The following HS3ST4 variants were observed in gnomAD, a reference collection of about 807,000 sequenced individuals.
The protein encoded by HS3ST4 is heparan sulfate glucosamine 3-O-sulfotransferase 4.
Under a neutral mutation model 29.2 loss-of-function variants are expected in HS3ST4, and 17 were observed. The observed-to-expected ratio is 0.58, with a 90% confidence interval of 0.40 to 0.87. The LOEUF (loss-of-function observed/expected upper bound fraction) is 0.87, where lower values mean the gene tolerates loss of function less well. Among genes scored for constraint, HS3ST4 ranks in the 40% least tolerant of loss-of-function variants. The pLI is 0.00. For synonymous variants in HS3ST4, 314 were observed against 285.7 expected (o/e 1.10, Z -1.00); for missense variants, 627 against 634.5 (o/e 0.99, Z 0.13).
At chr16:26,072,058 C>T (rs1396458415) in intron 1 of HS3ST4, among the ~76,000 whole-genome samples, 1 of 152,132 alleles carries the variant, frequency 6.6e-6, no homozygotes, top group African/African-American at 2.4e-5. Flanking sequence ...AGGATCATTA[C>T]ACATGAAGGG....
intron 1 of HS3ST4, among the ~76,000 whole-genome samples, chr16:26,109,608 A>G (rs530260318): frequency 1.3e-5 from 2 of 152,132 alleles, no homozygotes; most frequent in South Asian, 2.1e-4. Flanking sequence ...TATGAGATCA[A>G]CACAGCCTTG....
chr16:25,782,321 A>G (rs1214526184), intron 1 of HS3ST4, among the ~76,000 whole-genome samples: 2 of 152,076 alleles, frequency 1.3e-5, no homozygotes, highest in Non-Finnish European at 2.9e-5. Flanking sequence ...TCAGCCACCA[A>G]ACGGAAGTAC....
At chr16:25,916,609 G>T (rs1345965419) in intron 1 of HS3ST4, among the ~76,000 whole-genome samples, 1 of 150,558 alleles carries the variant, frequency 6.6e-6, no homozygotes, top group Non-Finnish European at 1.5e-5. Context: ...TGATCCGCCC[G>T]CCTTGGGCTC....
intron 1 of HS3ST4, among the ~76,000 whole-genome samples, chr16:25,825,144 G>A (rs1158741543): frequency 1.3e-5 from 2 of 152,182 alleles, no homozygotes; most frequent in Non-Finnish European, 2.9e-5. Flanking sequence ...GACAACAGAA[G>A]CCGAGATTGC....
At chr16:25,897,046 A>T (rs992918156) in intron 1 of HS3ST4, among the ~76,000 whole-genome samples, 2 of 152,164 alleles carry the variant, frequency 1.3e-5, no homozygotes, top group African/African-American at 4.8e-5. Context: ...CCTACTGGGT[A>T]CTGTGTTCAC....
intron 1 of HS3ST4, among the ~76,000 whole-genome samples, chr16:25,993,439 G>A (rs1431005388): frequency 2.6e-5 from 4 of 152,106 alleles, no homozygotes; most frequent in Non-Finnish European, 4.4e-5. Flanking sequence ...GACTTTGGAG[G>A]TGCGGAAGTG....
chr16:25,915,356 C>T (rs536931597), intron 1 of HS3ST4, among the ~76,000 whole-genome samples: 3 of 152,292 alleles, frequency 2.0e-5, no homozygotes, highest in Admixed American at 2.0e-4. Context: ...CACAAACATA[C>T]CTGCTCATAA....
intron 1 of HS3ST4, among the ~76,000 whole-genome samples, chr16:26,041,368 AAT>A: frequency 6.6e-6 from 1 of 151,976 alleles, no homozygotes; most frequent in Non-Finnish European, 1.5e-5. Context: ...TAATAATAAT[AAT>A]AAAATTTTCA....
intron 1 of HS3ST4, among the ~76,000 whole-genome samples, chr16:25,840,414 T>G (rs1967400975): frequency 6.6e-6 from 1 of 152,232 alleles, no homozygotes; most frequent in East Asian, 1.9e-4. Context: ...TCTTGACTGT[T>G]CCACCAAAGG....
chr16:25,694,745 T>A (rs1966281144), intron 1 of HS3ST4, among the ~76,000 whole-genome samples: 1 of 152,000 alleles, frequency 6.6e-6, no homozygotes, highest in Non-Finnish European at 1.5e-5. Context: ...TGGAGTAGCT[T>A]TGGCCTTATG....
chr16:25,895,701 C>T (rs1036646253), intron 1 of HS3ST4, among the ~76,000 whole-genome samples: 4 of 151,558 alleles, frequency 2.6e-5, no homozygotes, highest in African/African-American at 9.7e-5. Context: ...CAGATGGCTG[C>T]TTCTTGCTGT....
In HS3ST4 at chr16:26,136,143, A is replaced by C. The variant is rs1204087810; in HGVS notation, c.1266A>C (p.Pro422=). 2 of 1,613,416 alleles carry C rather than the reference A, an allele frequency of 1.2e-6. No individual in the cohort carries two copies. The highest frequency in any genetic ancestry group is 1.7e-6 in the Non-Finnish European group (2 of 1,179,672). The stretch of plus-strand genomic sequence containing the variant: ...GTCGGACTCATCCTCGCATTGACCC[A>C]GATGTCATCCACAGACTGAGGAAAT... ...SKGRTHPRID[P]DVIHRLRKFY... The change falls in exon 2 of 2, where the codon CCA becomes CCC. Residue 422 remains proline, a synonymous_variant. Transcript: ENST00000331351.
At chr16:25,793,898 G>C (rs1966875913) in intron 1 of HS3ST4, among the ~76,000 whole-genome samples, 1 of 151,052 alleles carries the variant, frequency 6.6e-6, no homozygotes, top group South Asian at 2.1e-4. Context: ...CCCTCTATTT[G>C]TTTTTAGATT....
At chr16:25,905,840 A>G (rs1302142942) in intron 1 of HS3ST4, among the ~76,000 whole-genome samples, 4 of 152,192 alleles carry the variant, frequency 2.6e-5, no homozygotes, top group Non-Finnish European at 5.9e-5. Context: ...CCTTGGGGTG[A>G]CAGCTCCAGA....
intron 1 of HS3ST4, among the ~76,000 whole-genome samples, chr16:25,769,996 AT>A (rs1267560704): frequency 6.6e-6 from 1 of 151,900 alleles, no homozygotes; most frequent in East Asian, 1.9e-4. Context: ...CACTGAAAGG[AT>A]TTTTTTTACC....
intron 1 of HS3ST4, among the ~76,000 whole-genome samples, chr16:25,938,119 A>C (rs1968535270): frequency 2.0e-5 from 3 of 152,160 alleles, no homozygotes; most frequent in Non-Finnish European, 4.4e-5. Context: ...CCTGACCCAA[A>C]CAACTGTATC....
intron 1 of HS3ST4, among the ~76,000 whole-genome samples, chr16:25,768,426 T>C (rs1403649932): frequency 6.6e-6 from 1 of 152,196 alleles, no homozygotes; most frequent in East Asian, 1.9e-4. Context: ...CTGTTTGTTT[T>C]GCTTGGTGAA....
intron 1 of HS3ST4, among the ~76,000 whole-genome samples, chr16:25,934,542 G>C (rs1367719619): frequency 6.6e-6 from 1 of 152,220 alleles, no homozygotes; most frequent in East Asian, 1.9e-4. Flanking sequence ...GACAGGCCGA[G>C]GTGCTTTTCT....
At chr16:25,812,977 G>A (rs1967057162) in intron 1 of HS3ST4, among the ~76,000 whole-genome samples, 1 of 152,126 alleles carries the variant, frequency 6.6e-6, no homozygotes, top group Non-Finnish European at 1.5e-5. Context: ...GAAAACTCCT[G>A]GAGGTAGGTG....
Sources: allele counts gnomAD v4.1 joint callset (sites outside exome capture counted in the v4.1 genomes callset), GRCh38; gene constraint gnomAD v4.1.1; transcripts MANE v1.5; gene names NCBI Gene and HGNC (gene_info 2026-07-23, HGNC 2026-07-21).